The following CEP83 variants were observed in gnomAD, a reference collection of about 807,000 sequenced individuals.
CEP83 encodes centrosomal protein of 83 kDa.
In CEP83, 70 loss-of-function variants were observed where a neutral mutation model predicts 101.9. The observed-to-expected ratio is 0.69, with a 90% CI of 0.57 to 0.84. The LOEUF (loss-of-function observed/expected upper bound fraction) is 0.84. CEP83 is among the 40% of genes least tolerant of loss of function. The pLI, the probability that CEP83 is intolerant of heterozygous loss-of-function variation, is 0.00. For synonymous variants in CEP83, 264 were observed against 267.9 expected (o/e 0.99, Z 0.14); for missense variants, 715 against 787.2 (o/e 0.91, Z 1.10).
intron 2 of CEP83, chr12:94,424,260 C>T (rs373292391): frequency 6.2e-7 from 1 of 1,614,194 alleles, no homozygotes; most frequent in South Asian, 1.1e-5. Flanking sequence ...CTTGGCCAAG[C>T]CCGTCCATTT....
chr12:94,420,057 T>C (rs190394892), intron 2 of CEP83, among the ~76,000 whole-genome samples: 1 of 152,212 alleles, frequency 6.6e-6, no homozygotes, highest in South Asian at 2.1e-4. Context: ...TTTTGCCCAA[T>C]TTTTTCTATT....
chr12:94,451,754 T>C (rs2067270195), intron 1 of CEP83, among the ~76,000 whole-genome samples: 1 of 152,114 alleles, frequency 6.6e-6, no homozygotes, highest in Non-Finnish European at 1.5e-5. Context: ...TCTTTAAAAG[T>C]TAAAAATAAG....
chr12:94,289,424 G>A, the CEP83 span, among the ~76,000 whole-genome samples: 3 of 152,266 alleles, frequency 2.0e-5, no homozygotes, highest in South Asian at 2.1e-4. Flanking sequence ...TGAAATTGCC[G>A]TGCGTACCAG....
chr12:94,268,526 A>G, the CEP83 span, among the ~76,000 whole-genome samples: 1 of 150,290 alleles, frequency 6.7e-6, no homozygotes, highest in Admixed American at 6.6e-5. Flanking sequence ...GTGCACACAC[A>G]GGACTTTAGT....
At chr12:94,285,351 GAACA>G in the CEP83 span, among the ~76,000 whole-genome samples, 1 of 152,222 alleles carries the variant, frequency 6.6e-6, no homozygotes, top group African/African-American at 2.4e-5. Flanking sequence ...CAGGGACAGA[GAACA>G]CCCATCCTTG....
intron 2 of CEP83, among the ~76,000 whole-genome samples, chr12:94,423,537 C>A (rs1198737917): frequency 2.0e-5 from 3 of 149,470 alleles, no homozygotes; most frequent in Non-Finnish European, 4.4e-5. Flanking sequence ...TGATGGCTCC[C>A]CCAGGCTCCA....
chr12:94,282,230 T>C, the CEP83 span: 9 of 1,046,972 alleles, frequency 8.6e-6, no homozygotes, highest in Admixed American at 1.9e-5. Flanking sequence ...TAGTTATCCA[T>C]AAATTTGTGA....
In CEP83 at chr12:94,308,821, C is replaced by G. The variant is rs753799181; in HGVS notation, c.2098G>C (p.Gly700Arg). 5 of 1,606,690 alleles carry G rather than the reference C, an allele frequency of 3.1e-6. No homozygotes were observed. The highest frequency in any genetic ancestry group is 4.3e-6 in the Non-Finnish European group (5 of 1,173,676). Residue 700 changes from glycine (G) to arginine (R), a missense_variant, in exon 17 of 17, where the codon GGA becomes CGA. Coordinates refer to ENST00000397809, the MANE Select transcript of CEP83 (RefSeq NM_016122.3). The stretch of plus-strand genomic sequence containing the variant: ...CCTGTTCTCCAAGAACATCATTCTC[C>G]GGAAGATCCAAGTTCCTCTAGTTGT... ...RKQLEELGSS[G>R]E
rs1281037952 is a variant in CEP83 at position 94,347,063 on chromosome 12, A to ATATATATATATG, written c.1344-11400_1344-11399insCATATATATATA. Among the ~76,000 whole-genome samples the ATATATATATATG allele has an allele frequency of 2.5e-3, 362 of 144,558 alleles. 1 individual carries two copies. Among genetic ancestry groups the ATATATATATATG allele is most frequent in the African/African-American group, 8.4e-3 (332 of 39,664 alleles). The allele number at this position is 144,558 out of a possible 152,430, so 94.8% of individuals were successfully genotyped here. ...AAAAAATAAACAAATATATATATAT[A>ATATATATATATG]TATATACACATACACACACACACAC... On this transcript the variant is annotated intron_variant, in intron 11 of 16. Transcript: ENST00000397809.
chr12:94,298,554 A>G, the CEP83 span: 3 of 1,151,084 alleles, frequency 2.6e-6, no homozygotes, highest in African/African-American at 3.1e-5. Context: ...CTGAATGTGG[A>G]TTTGCTTTTG....
chr12:94,306,620 C>T (rs908384219), downstream of CEP83: 9 of 152,112 alleles, frequency 5.9e-5, no homozygotes, highest in African/African-American at 2.2e-4. Context: ...GCTCCAAATC[C>T]CCCATCTAGG....
At chr12:94,329,867 T>C (rs1479131870) in intron 14 of CEP83, among the ~76,000 whole-genome samples, 3 of 152,154 alleles carry the variant, frequency 2.0e-5, no homozygotes, top group Non-Finnish European at 1.5e-5. Context: ...GGGATCCCTA[T>C]ATAATAAATG....
the CEP83 span, among the ~76,000 whole-genome samples, chr12:94,273,301 G>T: frequency 2.6e-5 from 4 of 152,126 alleles, no homozygotes; most frequent in African/African-American, 9.7e-5. Flanking sequence ...TGGGAGGCAG[G>T]CCTGGGCTAC....
intron 1 of CEP83, among the ~76,000 whole-genome samples, chr12:94,441,742 C>T (rs948960693): frequency 2.6e-5 from 4 of 151,902 alleles, no homozygotes; most frequent in Non-Finnish European, 4.4e-5. Context: ...GGTAAAACCC[C>T]GTCTCTACTA....
chr12:94,395,642 T>C (rs1472637841), intron 6 of CEP83, among the ~76,000 whole-genome samples: 1 of 152,058 alleles, frequency 6.6e-6, no homozygotes, highest in Non-Finnish European at 1.5e-5. Flanking sequence ...CCTAACACAG[T>C]GAAACCCCGT....
chr12:94,279,921 T>C, the CEP83 span: 14 of 578,392 alleles, frequency 2.4e-5, no homozygotes, highest in Non-Finnish European at 3.5e-5. Flanking sequence ...ATTGATGAGA[T>C]TGCAGGCCCT....
Position 94,436,325 on chromosome 12 carries a change from TA to T in CEP83, c.-154-999del, listed in dbSNP as rs1168744097. Among the ~76,000 whole-genome samples, 617 of 129,090 alleles carry T rather than the reference TA, an allele frequency of 4.8e-3. 3 individuals carry two copies. Among genetic ancestry groups the T allele is most frequent in the African/African-American group, 0.012 (422 of 34,934 alleles). 84.7% of individuals were successfully genotyped at this position (129,090 alleles called of 152,430 possible). A position where few individuals can be genotyped will look rare whatever the true frequency, so the allele number is the denominator to read the frequency against. On this transcript the variant is annotated intron_variant, in intron 1 of 16. Transcript: ENST00000397809. Reference sequence around the variant, plus strand: ...AAAAGTGAAAAACAACTTGAACAAATAAAAAAAAAAATAAAAAACAGGATAT... The same window carrying T: ...AAAAGTGAAAAACAACTTGAACAAATAAAAAAAAAATAAAAAACAGGATAT...
chr12:94,335,451 A>C, intron 12 of CEP83, 138 bp downstream of exon 12: 1 of 618,308 alleles, frequency 1.6e-6, no homozygotes, highest in Admixed American at 3.3e-5. Flanking sequence ...TTATCTTTAC[A>C]TATCACCTCC....
At chr12:94,454,580 A>C (rs2067506135) in intron 1 of CEP83, among the ~76,000 whole-genome samples, 1 of 152,220 alleles carries the variant, frequency 6.6e-6, no homozygotes, top group Non-Finnish European at 1.5e-5. Flanking sequence ...TAAGGGAAGA[A>C]GAGCTAGGCA....
Sources: allele counts gnomAD v4.1 joint callset (sites outside exome capture counted in the v4.1 genomes callset), GRCh38; gene constraint gnomAD v4.1.1; transcripts MANE v1.5; gene names NCBI Gene and HGNC (gene_info 2026-07-23, HGNC 2026-07-21).